The following ZNF256 variants were observed in gnomAD, a reference collection of about 807,000 sequenced individuals.
ZNF256 encodes the protein bone marrow zinc finger 3.
In ZNF256, 4 loss-of-function variants were observed where a neutral mutation model predicts 7.9. The observed-to-expected ratio is 0.50, with a 90% CI of 0.25 to 1.15. The LOEUF (loss-of-function observed/expected upper bound fraction) is 1.15. ZNF256 is among the 50% of genes most tolerant of loss of function. The probability of loss-of-function intolerance (pLI) is 0.15; values close to 1 mark genes in which losing one functional copy is unlikely to be tolerated. For missense variants in ZNF256, 666 were observed against 755.9 expected (o/e 0.88, Z 1.39); for synonymous variants, 260 against 260.4 (o/e 1.00, Z 0.02).
At chr19:57,943,671 G>T (rs1197452492) in intron 2 of ZNF256, among the ~76,000 whole-genome samples, 1 of 152,150 alleles carries the variant, frequency 6.6e-6, no homozygotes, top group East Asian at 1.9e-4. Context: ...AATGTCACCT[G>T]GCCAGGAGAG....
At position 57,942,655 on chromosome 19, in the gene ZNF256, A is replaced by G. The variant is rs747397689; in HGVS notation, c.161-8T>C. On this transcript the variant is annotated splice_region_variant and splice_polypyrimidine_tract_variant and intron_variant, in intron 2 of 2. Transcript: ENST00000282308. ...CCCCTGCTCCAGAACCACCTGAAAG[A>G]AAGAAAATGCTGGTGAAGAGCATGC... The G allele has an allele frequency of 1.2e-5, 20 of 1,609,178 alleles. No homozygotes were observed. Among genetic ancestry groups the G allele is most frequent in the South Asian group, 2.2e-5 (2 of 90,938 alleles).
Position 57,941,880 on chromosome 19 carries a change from G to A in ZNF256, c.928C>T (p.Leu310Phe), listed in dbSNP as rs143973071. The change falls in exon 3 of 3, where the codon CTT becomes TTT. Residue 310 changes from leucine to phenylalanine, a missense_variant. Transcript: ENST00000282308. Reference protein sequence around the residue: ...CGKLFNRKYDLLIHQRVHTGE... With the variant: ...CGKLFNRKYDFLIHQRVHTGE... ...GTATGAACTCTCTGATGTATAAGAAGGTCATACTTCCTGTTAAATAATTTT... is the reference window on the plus strand; with the variant it reads ...GTATGAACTCTCTGATGTATAAGAAAGTCATACTTCCTGTTAAATAATTTT... 775 of 1,614,168 alleles carry A rather than the reference G, an allele frequency of 4.8e-4. 3 individuals are homozygous for A. The highest frequency in any genetic ancestry group is 6.4e-5 in the Non-Finnish European group (76 of 1,180,022).
intron 2 of ZNF256, among the ~76,000 whole-genome samples, 179 bp downstream of exon 2, chr19:57,943,755 G>A (rs1171121913): frequency 1.3e-5 from 2 of 152,202 alleles, no homozygotes; most frequent in Non-Finnish European, 2.9e-5. Flanking sequence ...AAGGGAAGCA[G>A]GTGTTGCTTG....
intron 1 of ZNF256, 85 bp downstream of exon 1, chr19:57,947,357 G>C (rs1286446801): frequency 8.3e-6 from 10 of 1,203,968 alleles, no homozygotes; most frequent in Middle Eastern, 5.7e-4. Context: ...CCTGTCCTGG[G>C]CAGCAGGGCC....
At position 57,947,470 on chromosome 19, in the gene ZNF256, G is replaced by T. The variant is rs1376896620; in HGVS notation, c.5C>A (p.Ala2Glu). Residue 2 changes from alanine to glutamate, a missense_variant, in exon 1 of 3, where the codon GCG (alanine) becomes GAG (glutamate). Physicochemically the swap from Ala to Glu is moderately radical, Grantham distance 107. Coordinates refer to ENST00000282308, the MANE Select transcript of ZNF256 (RefSeq NM_005773.3). ...GGCCGGGGCCGTCAGCTCGGCCGCC[G>T]CCATCTGACTCTGTGAGCGGAGCGG... M[A>E]AAELTAPAQG... is the part of the protein sequence containing the mutation. 18 of 1,248,980 alleles carry T rather than the reference G, an allele frequency of 1.4e-5. No individual in the cohort carries two copies. The highest frequency in any genetic ancestry group is 8.4e-5 in the Admixed American group (2 of 23,726). The allele number at this position is 1,248,980 out of a possible 1,614,324, so 77.4% of individuals were successfully genotyped here.
In ZNF256 at chr19:57,941,381, G is replaced by A. The variant is rs2072726744; in HGVS notation, c.1427C>T (p.Ser476Phe). The change falls in exon 3 of 3, where the codon TCC becomes TTC. Residue 476 changes from serine (S) to phenylalanine (F), a missense_variant. Ser to Phe is a radical substitution (Grantham distance 155). Transcript: ENST00000282308. The stretch of plus-strand genomic sequence containing the variant: ...AACTTTCCAGTGTGAGATGAGGTAG[G>A]ATTTACAGGTAAAGGATTTTCCACA... ...SECGKSFTCK[S>F]YLISHWKVHT... 2.5e-6 allele frequency: 4 copies of A among 1,614,120 alleles called. No homozygotes were observed. The highest frequency in any genetic ancestry group is 3.4e-6 in the Non-Finnish European group (4 of 1,180,026).
At chr19:57,942,945 C>G (rs1310677146) in intron 2 of ZNF256, among the ~76,000 whole-genome samples, 1 of 152,188 alleles carries the variant, frequency 6.6e-6, no homozygotes, top group Non-Finnish European at 1.5e-5. Context: ...TGCTGTCCTG[C>G]TAACACATGC....
chr19:57,943,908 C>T (rs1387422143), intron 2 of ZNF256, 26 bp downstream of exon 2: 2 of 1,612,198 alleles, frequency 1.2e-6, no homozygotes, highest in Non-Finnish European at 8.5e-7. Flanking sequence ...TAGCTCGGGG[C>T]ATAGAGGTGG....
In ZNF256 at chr19:57,944,076, C is replaced by T. The variant is rs546468313; in HGVS notation, c.34-16G>A. ...TCACAATGCCCTGCCAGGATGGGGA[C>T]ACATGAAACCACAAACGGTTCCTCC... is the stretch of plus-strand genomic sequence containing the variant. On this transcript the variant is annotated splice_polypyrimidine_tract_variant and intron_variant, in intron 1 of 2. Transcript: ENST00000282308. 8.7e-6 allele frequency: 14 copies of T among 1,613,156 alleles called. No individual in the cohort carries two copies. The Admixed American group carries it at 1.3e-4, about 15-fold the overall frequency.
In ZNF256 at chr19:57,940,865, T is replaced by C; in HGVS notation, c.*59A>G. The C allele has an allele frequency of 1.4e-6, 2 of 1,478,698 alleles. No individual in the cohort carries two copies. The highest frequency in any genetic ancestry group is 1.8e-6 in the Non-Finnish European group (2 of 1,092,540). 91.6% of individuals were successfully genotyped at this position (1,478,698 alleles called of 1,614,324 possible). A position where few individuals can be genotyped will look rare whatever the true frequency, so the allele number is the denominator to read the frequency against. On this transcript the variant is annotated 3_prime_UTR_variant, in exon 3 of 3. Transcript: ENST00000282308. ...AAATACGTATTTATTTATTTATGTC[T>C]GTGAATTTTGCAGGGACACTTCTCA...
intron 2 of ZNF256, 79 bp downstream of exon 2, chr19:57,943,855 G>A (rs966588686): frequency 5.1e-6 from 8 of 1,558,754 alleles, no homozygotes; most frequent in Middle Eastern, 1.7e-4. Flanking sequence ...TAGTCCTCTT[G>A]TGAAGACACA....
chr19:57,941,993 C>T lies in ZNF256; in HGVS notation c.815G>A (p.Cys272Tyr), dbSNP rs1272993171. 3.1e-6 allele frequency: 5 copies of T among 1,614,014 alleles called. No homozygotes were observed. The highest frequency in any genetic ancestry group is 4.2e-6 in the Non-Finnish European group (5 of 1,179,974). Residue 272 changes from cysteine (C) to tyrosine (Y), a missense_variant, in exon 3 of 3, where the codon TGT (cysteine) becomes TAT (tyrosine). Transcript: ENST00000282308. ...AGAGCTTTGCCTATAGGATTTCCCA[C>T]ATTCTCCACATGTATAAGGCTTTTC... The part of the protein sequence containing the change: ...TSEKPYTCGE[C>Y]GKSYRQSSSL...
chr19:57,947,533 G>C lies in ZNF256; in HGVS notation c.-59C>G. 1 of 1,246,370 alleles carries C rather than the reference G, an allele frequency of 8.0e-7. No individual in the cohort carries two copies. Among genetic ancestry groups the C allele is most frequent in the Non-Finnish European group, 1.0e-6 (1 of 985,994 alleles). The allele number at this position is 1,246,370 out of a possible 1,614,324, so 77.2% of individuals were successfully genotyped here. A position where few individuals can be genotyped will look rare whatever the true frequency, so the allele number is the denominator to read the frequency against. ...TGTCCTTATTCCGGGCCGGGCCTGG[G>C]TACCCTGGGCGCCGCCGAGCCTCAG... On this transcript the variant is annotated 5_prime_UTR_variant, in exon 1 of 3. Transcript: ENST00000282308.
rs149028094 is a variant in ZNF256, at chr19:57,943,984, C to G, written c.110G>C (p.Cys37Ser). 6.9e-5 allele frequency: 112 copies of G among 1,614,062 alleles called. 1 individual carries two copies. The African/African-American group carries it at 7.2e-4, about 10-fold the overall frequency. Reference sequence around the variant, plus strand: ...CTCCAGCATCACATCGTGGTACAGGCATTTCTGAGCCTCATCAAGAAGACC... The same window carrying G: ...CTCCAGCATCACATCGTGGTACAGGGATTTCTGAGCCTCATCAAGAAGACC... Reference protein sequence around the residue: ...EWGLLDEAQKCLYHDVMLENL... With the variant: ...EWGLLDEAQKSLYHDVMLENL... Residue 37 changes from cysteine to serine, a missense_variant, in exon 2 of 3, where the codon TGC becomes TCC. Transcript: ENST00000282308.
intron 2 of ZNF256, among the ~76,000 whole-genome samples, chr19:57,943,112 T>C (rs2072741918): frequency 6.6e-6 from 1 of 152,104 alleles, no homozygotes; most frequent in East Asian, 1.9e-4. Flanking sequence ...AGTCCAGAGA[T>C]GTGGGGATTA....
Position 57,941,704 on chromosome 19 carries a change from T to A in ZNF256, c.1104A>T (p.Thr368=). The change falls in exon 3 of 3, where the codon ACA becomes ACT. Residue 368 remains threonine (T), a synonymous_variant. Transcript: ENST00000282308. ...TTGTACCAGTGTGAACTCTCTGGTG[T>A]GTAATAAGGCTAGAACTATGGATAA... The part of the protein sequence containing the change: ...KSFIHSSSLI[T]HQRVHTGTRP... 2 of 1,613,994 alleles carry A rather than the reference T, an allele frequency of 1.2e-6. No individual in the cohort carries two copies. The highest frequency in any genetic ancestry group is 1.7e-6 in the Non-Finnish European group (2 of 1,179,996).
rs1271452326 is a variant in ZNF256, at chr19:57,943,956, G to A, written c.138C>T (p.Asn46=). 1 of 1,614,062 alleles carries A rather than the reference G, an allele frequency of 6.2e-7. No homozygotes were observed. Among genetic ancestry groups the A allele is most frequent in the Non-Finnish European group, 8.5e-7 (1 of 1,179,972 alleles). ...TACCCAGGGAGGTTGTAAGTGTCAA[G>A]TTCTCCAGCATCACATCGTGGTACA... The part of the protein sequence containing the change: ...KCLYHDVMLE[N]LTLTTSLGGS... Residue 46 remains asparagine, a synonymous_variant, in exon 2 of 3, where the codon AAC becomes AAT. Coordinates refer to ENST00000282308, the MANE Select transcript of ZNF256 (RefSeq NM_005773.3).
At position 57,942,554 on chromosome 19, in the gene ZNF256, G is replaced by A. The variant is rs1026582501; in HGVS notation, c.254C>T (p.Ser85Phe). The A allele has an allele frequency of 6.2e-7, 1 of 1,614,202 alleles. No individual in the cohort carries two copies. The highest frequency in any genetic ancestry group is 2.2e-5 in the East Asian group (1 of 44,884). Residue 85 changes from serine to phenylalanine, a missense_variant, in exon 3 of 3, where the codon TCT becomes TTT. Transcript: ENST00000282308. ...CTCACAGGGGTTGGTCTTCTGGGGA[G>A]AAGGAAGGGCCTTAGGAATCCTAAC... Reference protein sequence around the residue: ...SQVRIPKALPSPQKTNPCEIC... With the variant: ...SQVRIPKALPFPQKTNPCEIC...
At chr19:57,946,709 T>G (rs1188820020) in intron 1 of ZNF256, among the ~76,000 whole-genome samples, 1 of 152,156 alleles carries the variant, frequency 6.6e-6, no homozygotes, top group Admixed American at 6.6e-5. Flanking sequence ...TGATTCAAAC[T>G]TGCTATTACC....
Sources: allele counts gnomAD v4.1 joint callset (sites outside exome capture counted in the v4.1 genomes callset), GRCh38; gene constraint gnomAD v4.1.1; transcripts MANE v1.5; gene names NCBI Gene and HGNC (gene_info 2026-07-23, HGNC 2026-07-21).